Variants in VEPH1 observed in about 807,000 individuals in gnomAD.
The protein encoded by VEPH1 is ventricular zone-expressed PH domain-containing protein homolog 1.
In VEPH1, 80 loss-of-function variants were observed where a neutral mutation model predicts 85.2. That is an observed-to-expected ratio of 0.94 (90% CI 0.78 to 1.13). The LOEUF (loss-of-function observed/expected upper bound fraction) is 1.13. Among genes scored for constraint, VEPH1 ranks in the 50% most tolerant of loss-of-function variants. VEPH1 has a pLI of 0.00. For synonymous variants in VEPH1, 297 were observed against 348.0 expected, an observed-to-expected ratio of 0.85 and a Z score of 1.63; for missense variants, 955 against 980.5, an observed-to-expected ratio of 0.97 and a Z score of 0.35.
At chr3:157,318,086 T>C (rs1283626395) in intron 9 of VEPH1, among the ~76,000 whole-genome samples, 7 of 152,146 alleles carry the variant, frequency 4.6e-5, no homozygotes, top group African/African-American at 1.4e-4. Flanking sequence ...AGATGACTAA[T>C]GTCTGGAGAG....
chr3:157,376,346 C>T (rs371603636), intron 7 of VEPH1, among the ~76,000 whole-genome samples: 5 of 152,272 alleles, frequency 3.3e-5, no homozygotes, highest in African/African-American at 1.2e-4. Flanking sequence ...CACTCCACTG[C>T]TCAGCTCAGC....
chr3:157,381,539 A>G, intron 6 of VEPH1, 163 bp from the exon 7 acceptor site: 1 of 641,572 alleles, frequency 1.6e-6, no homozygotes, highest in Non-Finnish European at 2.7e-6. Context: ...GCAACATGGT[A>G]ACACCCCATC....
chr3:157,473,067 CTTTTTTTT>C lies in VEPH1; in HGVS notation c.139-2546_139-2539del, dbSNP rs200991031. On this transcript the variant is annotated intron_variant, in intron 2 of 13. Coordinates refer to ENST00000362010, the MANE Select transcript of VEPH1 (RefSeq NM_001167912.2). ...ATTAGTTTTTGCTGATTAAATGAAC[CTTTTTTTT>C]TTTTTTTTTTTTTTTTTGATGGAGT... Among the ~76,000 whole-genome samples, 789 of 82,682 alleles carry C rather than the reference CTTTTTTTT, an allele frequency of 9.5e-3. 14 individuals carry two copies. In the East Asian group the frequency reaches 0.1, roughly 11 times the overall value. 54.2% of individuals were successfully genotyped at this position (82,682 alleles called of 152,430 possible).
intron 6 of VEPH1, among the ~76,000 whole-genome samples, chr3:157,407,583 G>A (rs1731239461): frequency 6.6e-6 from 1 of 152,052 alleles, no homozygotes; most frequent in East Asian, 1.9e-4. Context: ...GTTGTCTACG[G>A]TGCCTCATTC....
intron 11 of VEPH1, among the ~76,000 whole-genome samples, chr3:157,287,407 T>C (rs1312094889): frequency 6.6e-6 from 1 of 151,492 alleles, no homozygotes; most frequent in Non-Finnish European, 1.5e-5. Flanking sequence ...ATTTATTATG[T>C]TGGCTTTACA....
intron 9 of VEPH1, among the ~76,000 whole-genome samples, chr3:157,325,366 T>C (rs1489042862): frequency 1.3e-5 from 2 of 152,170 alleles, no homozygotes; most frequent in Admixed American, 6.6e-5. Context: ...TGTGAATTTT[T>C]GCTTTTGTTG....
At chr3:157,397,863 A>G (rs1205543027) in intron 6 of VEPH1, among the ~76,000 whole-genome samples, 1 of 152,198 alleles carries the variant, frequency 6.6e-6, no homozygotes, top group Non-Finnish European at 1.5e-5. Flanking sequence ...AACCACATGC[A>G]TTGCTTGAAG....
intron 3 of VEPH1, among the ~76,000 whole-genome samples, chr3:157,466,173 G>C (rs1305302049): frequency 6.6e-6 from 1 of 151,904 alleles, no homozygotes; most frequent in Non-Finnish European, 1.5e-5. Context: ...CATTGTATGG[G>C]TGTATTCTTT....
At chr3:157,448,119 G>A (rs998031759) in intron 4 of VEPH1, among the ~76,000 whole-genome samples, 2 of 151,498 alleles carry the variant, frequency 1.3e-5, no homozygotes, top group African/African-American at 4.8e-5. Flanking sequence ...ATGGGGGGGG[G>A]ACAATTTTCT....
intron 11 of VEPH1, among the ~76,000 whole-genome samples, chr3:157,311,837 T>C (rs1270899622): frequency 1.3e-5 from 2 of 152,176 alleles, no homozygotes; most frequent in African/African-American, 2.4e-5. Context: ...GATGCAACAG[T>C]TGAAAATTTG....
At chr3:157,362,046 G>A (rs138907188) in intron 9 of VEPH1, among the ~76,000 whole-genome samples, 1 of 150,678 alleles carries the variant, frequency 6.6e-6, no homozygotes, top group African/African-American at 2.4e-5. Context: ...TTTTTTGGGT[G>A]GGGGGACAGA....
At chr3:157,299,072 C>T (rs1577275283) in intron 11 of VEPH1, among the ~76,000 whole-genome samples, 1 of 152,122 alleles carries the variant, frequency 6.6e-6, no homozygotes. Context: ...TGCTCAAAAC[C>T]TTTTTAGATG....
chr3:157,395,497 A>G (rs906678556), intron 6 of VEPH1, among the ~76,000 whole-genome samples: 2 of 152,220 alleles, frequency 1.3e-5, no homozygotes, highest in Non-Finnish European at 2.9e-5. Flanking sequence ...AACTGTGTTC[A>G]TAAGTCCATT....
chr3:157,335,488 A>G (rs1722882817), intron 9 of VEPH1, among the ~76,000 whole-genome samples: 1 of 152,214 alleles, frequency 6.6e-6, no homozygotes. Context: ...ACAGGAAAGG[A>G]GAACAACAAA....
chr3:157,308,940 A>G (rs1179395579), intron 11 of VEPH1, among the ~76,000 whole-genome samples: 2 of 152,200 alleles, frequency 1.3e-5, no homozygotes, highest in African/African-American at 4.8e-5. Context: ...TTAGTGGCAC[A>G]TTCTAAATGA....
intron 6 of VEPH1, among the ~76,000 whole-genome samples, chr3:157,391,689 T>G (rs1560024351): frequency 6.6e-6 from 1 of 152,204 alleles, no homozygotes; most frequent in Non-Finnish European, 1.5e-5. Flanking sequence ...CACAAAAACT[T>G]TCCTAATCTT....
At chr3:157,280,337 A>G (rs1026089725) in intron 12 of VEPH1, among the ~76,000 whole-genome samples, 3 of 152,168 alleles carry the variant, frequency 2.0e-5, no homozygotes, top group Non-Finnish European at 4.4e-5. Context: ...AAAAGGACAC[A>G]TTACTACGTA....
At chr3:157,390,651 C>T (rs1008664558) in intron 6 of VEPH1, among the ~76,000 whole-genome samples, 1 of 152,148 alleles carries the variant, frequency 6.6e-6, no homozygotes, top group African/African-American at 2.4e-5. Context: ...GAATGGGACT[C>T]CACCAGAATC....
Position 157,460,230 on chromosome 3 carries a change from T to G in VEPH1, c.480A>C (p.Ala160=). 1 of 1,614,190 alleles carries G rather than the reference T, an allele frequency of 6.2e-7. No individual in the cohort carries two copies. Among genetic ancestry groups the G allele is most frequent in the South Asian group, 1.1e-5 (1 of 91,088 alleles). The change falls in exon 4 of 14, where the codon GCA becomes GCC. Residue 160 remains alanine, a synonymous_variant. Transcript: ENST00000362010. The stretch of plus-strand genomic sequence containing the variant: ...CTTCCGTGTGATCAGCCAGGAGATC[T>G]GCCTTGGTAATTGCAGCCAGAGACA... The part of the protein sequence containing the change: ...NYLSLAAITK[A]DLLADHTEVI...
Sources: allele counts gnomAD v4.1 joint callset (sites outside exome capture counted in the v4.1 genomes callset), GRCh38; gene constraint gnomAD v4.1.1; transcripts MANE v1.5; gene names NCBI Gene and HGNC (gene_info 2026-07-23, HGNC 2026-07-21).